The following RERE variants were observed in gnomAD, a reference collection of about 807,000 sequenced individuals.
RERE encodes arginine-glutamic acid dipeptide repeats.
RERE carries 40 observed loss-of-function variants against 146.1 expected under a neutral mutation model. The observed-to-expected ratio is 0.27, with a 90% CI of 0.21 to 0.36. RERE has a LOEUF of 0.36. RERE is among the 10% of genes least tolerant of loss of function. The probability of loss-of-function intolerance (pLI) is 1.00; values close to 1 mark genes in which losing one functional copy is unlikely to be tolerated. For synonymous variants in RERE, 1,003 were observed against 866.0 expected (o/e 1.16, Z -2.78); for missense variants, 1,933 against 2,138.7 (o/e 0.90, Z 1.90).
At chr1:8,804,722 T>C (rs746777696) in intron 1 of RERE, among the ~76,000 whole-genome samples, 6 of 151,052 alleles carry the variant, frequency 4.0e-5, no homozygotes, top group Non-Finnish European at 7.4e-5. Flanking sequence ...AATGCAGAAC[T>C]GATGTGAGAA....
chr1:8,568,929 C>T (rs974439463), intron 4 of RERE, among the ~76,000 whole-genome samples: 7 of 152,114 alleles, frequency 4.6e-5, no homozygotes, highest in African/African-American at 2.4e-5. Context: ...CTGACAAATA[C>T]TAAATGTCAG....
chr1:8,734,349 A>T (rs538496603), intron 1 of RERE, among the ~76,000 whole-genome samples: 1 of 152,292 alleles, frequency 6.6e-6, no homozygotes, highest in Non-Finnish European at 1.5e-5. Flanking sequence ...GGAAGTGGAA[A>T]CGAGATTTTC....
At chr1:8,475,331 G>A (rs531102224) in intron 10 of RERE, among the ~76,000 whole-genome samples, 122 of 150,626 alleles carry the variant, frequency 8.1e-4, no homozygotes, top group African/African-American at 2.7e-3. Flanking sequence ...CCGAGACCGC[G>A]CCACTGCACG....
chr1:8,541,462 T>C, intron 6 of RERE, 144 bp from the exon 7 acceptor site: 1 of 573,214 alleles, frequency 1.7e-6, no homozygotes, highest in Non-Finnish European at 3.1e-6. Context: ...ATTTCACCTA[T>C]TCAGCTGTTT....
intron 12 of RERE, among the ~76,000 whole-genome samples, chr1:8,414,055 C>CAAAAAAAAA (rs71580026): frequency 8.7e-5 from 8 of 91,744 alleles, no homozygotes; most frequent in African/African-American, 1.4e-4. Context: ...AACTCCATCT[C>CAAAAAAAAA]AAAAAAAAAA....
intron 1 of RERE, among the ~76,000 whole-genome samples, chr1:8,675,588 T>C (rs892856532): frequency 3.3e-5 from 5 of 151,618 alleles, no homozygotes; most frequent in Non-Finnish European, 5.9e-5. Context: ...CCAGGTGTGT[T>C]GGTGGGCACC....
chr1:8,648,649 C>T (rs1647442055), intron 2 of RERE, among the ~76,000 whole-genome samples: 1 of 152,104 alleles, frequency 6.6e-6, no homozygotes, highest in African/African-American at 2.4e-5. Flanking sequence ...ATTCCATTTG[C>T]ATCAAAAGAA....
intron 4 of RERE, among the ~76,000 whole-genome samples, chr1:8,605,676 G>A (rs1646695003): frequency 7.0e-6 from 1 of 143,266 alleles, no homozygotes. Context: ...CTGAATCCGG[G>A]AGGCAGGTGA....
Position 8,361,766 on chromosome 1 carries a change from C to T in RERE, c.2013G>A (p.Thr671=), listed in dbSNP as rs760579129. ...ADRTSSKKTK[T]QEISRPNSPS... Reference sequence around the variant, plus strand: ...AAGGCTCAGCAGCAAACCTCACCTGCGTTTTTGTCTTCTTGGAGCTGGTCC... The same window carrying T: ...AAGGCTCAGCAGCAAACCTCACCTGTGTTTTTGTCTTCTTGGAGCTGGTCC... Residue 671 remains threonine (T), a synonymous_variant, in exon 17 of 23, where the codon ACG becomes ACA. Coordinates refer to ENST00000400908, the MANE Select transcript of RERE (RefSeq NM_001042681.2). 14 of 1,611,142 alleles carry T rather than the reference C, an allele frequency of 8.7e-6. No homozygotes were observed. The highest frequency in any genetic ancestry group is 3.3e-5 in the Admixed American group (2 of 59,924).
chr1:8,365,722 G>A lies in RERE; in HGVS notation c.1447+90C>T, dbSNP rs561837982. The A allele has an allele frequency of 4.9e-3, 7,137 of 1,460,278 alleles. 28 individuals carry two copies. Among genetic ancestry groups the A allele is most frequent in the Middle Eastern group, 5.5e-3 (26 of 4,712 alleles). 90.5% of individuals were successfully genotyped at this position (1,460,278 alleles called of 1,614,324 possible). A position where few individuals can be genotyped will look rare whatever the true frequency, so the allele number is the denominator to read the frequency against. ...GGTGCACACCCCCTCATGCTTCCCG[G>A]AGCCATCAGCTCCTACGGGCCCAGA... is the stretch of plus-strand genomic sequence containing the variant. On this transcript the variant is annotated intron_variant, in intron 13 of 22. Transcript: ENST00000400908.
chr1:8,741,357 G>C (rs1425059040), intron 1 of RERE, among the ~76,000 whole-genome samples: 4 of 152,220 alleles, frequency 2.6e-5, no homozygotes, highest in African/African-American at 7.2e-5. Context: ...TATCAGCTCA[G>C]TTAATGGATG....
chr1:8,504,677 C>A (rs1322967650), intron 8 of RERE, among the ~76,000 whole-genome samples: 1 of 152,026 alleles, frequency 6.6e-6, no homozygotes, highest in Non-Finnish European at 1.5e-5. Context: ...CATAGTGAAA[C>A]CCCGTCTCTA....
chr1:8,710,732 G>A (rs1639649639), intron 1 of RERE, among the ~76,000 whole-genome samples: 1 of 152,096 alleles, frequency 6.6e-6, no homozygotes, highest in African/African-American at 2.4e-5. Flanking sequence ...AGCCAGGACG[G>A]TCTCAATCTC....
chr1:8,584,302 T>C (rs1646401267), intron 4 of RERE, among the ~76,000 whole-genome samples: 1 of 152,082 alleles, frequency 6.6e-6, no homozygotes, highest in South Asian at 2.1e-4. Context: ...ACACCTGTAA[T>C]CCCAATGCTT....
intron 1 of RERE, among the ~76,000 whole-genome samples, chr1:8,815,828 ATT>A (rs1641900410): frequency 8.0e-6 from 1 of 125,384 alleles, no homozygotes; most frequent in African/African-American, 2.7e-5. Flanking sequence ...TCAGCTTGGT[ATT>A]GTGTGTGTGT....
chr1:8,768,883 A>C (rs1640894874), intron 1 of RERE, among the ~76,000 whole-genome samples: 1 of 152,254 alleles, frequency 6.6e-6, no homozygotes, highest in East Asian at 1.9e-4. Flanking sequence ...GAAACCGTGT[A>C]CTTAGAGAAG....
intron 4 of RERE, among the ~76,000 whole-genome samples, chr1:8,608,607 A>G (rs745476614): frequency 6.6e-6 from 1 of 152,246 alleles, no homozygotes; most frequent in Non-Finnish European, 1.5e-5. Context: ...ACTATCCCTG[A>G]AAGAACAAGA....
chr1:8,462,484 G>A (rs1269753283), intron 11 of RERE, among the ~76,000 whole-genome samples: 1 of 152,234 alleles, frequency 6.6e-6, no homozygotes, highest in African/African-American at 2.4e-5. Flanking sequence ...ACTGGAGAAC[G>A]AGTAGGGTCT....
intron 1 of RERE, among the ~76,000 whole-genome samples, chr1:8,706,229 G>C (rs1298149939): frequency 6.6e-6 from 1 of 151,962 alleles, no homozygotes. Flanking sequence ...TGAGACAGGA[G>C]GATCCTTTGA....
Sources: allele counts gnomAD v4.1 joint callset (sites outside exome capture counted in the v4.1 genomes callset), GRCh38; gene constraint gnomAD v4.1.1; transcripts MANE v1.5; gene names NCBI Gene and HGNC (gene_info 2026-07-23, HGNC 2026-07-21).